Variants in SUCLG2 observed in about 807,000 individuals in gnomAD.
The protein encoded by SUCLG2 is succinate--CoA ligase [GDP-forming] subunit beta, mitochondrial.
SUCLG2 carries 42 observed loss-of-function variants against 47.9 expected under a neutral mutation model. That is an observed-to-expected ratio of 0.88 (90% confidence interval 0.69 to 1.14). SUCLG2 has a LOEUF of 1.14. SUCLG2 is among the 50% of genes most tolerant of loss of function. SUCLG2 has a pLI of 0.00. For synonymous variants in SUCLG2, 195 were observed against 197.3 expected, an observed-to-expected ratio of 0.99 and a Z score of 0.10; for missense variants, 571 against 525.9, an observed-to-expected ratio of 1.09 and a Z score of -0.84.
chr3:67,401,805 G>C (rs1428573906), intron 9 of SUCLG2, among the ~76,000 whole-genome samples: 2 of 152,138 alleles, frequency 1.3e-5, no homozygotes, highest in Non-Finnish European at 2.9e-5. Context: ...TATATGTGCT[G>C]CATAGAATCC....
At chr3:67,649,181 A>C (rs1701243105) in intron 1 of SUCLG2, among the ~76,000 whole-genome samples, 1 of 152,198 alleles carries the variant, frequency 6.6e-6, no homozygotes, top group African/African-American at 2.4e-5. Context: ...TTCTGCAGAC[A>C]CAGGGTAAGT....
At chr3:67,644,630 T>A (rs1701160638) in intron 1 of SUCLG2, among the ~76,000 whole-genome samples, 1 of 151,862 alleles carries the variant, frequency 6.6e-6, no homozygotes, top group Non-Finnish European at 1.5e-5. Flanking sequence ...ATGATAAAAA[T>A]GGCAAAAATG....
intron 9 of SUCLG2, among the ~76,000 whole-genome samples, chr3:67,404,952 C>G (rs933799635): frequency 2.0e-5 from 3 of 150,874 alleles, no homozygotes; most frequent in Non-Finnish European, 2.9e-5. Context: ...CTTCCCCCAG[C>G]CCCCTGGCAA....
intron 9 of SUCLG2, among the ~76,000 whole-genome samples, chr3:67,485,328 T>C (rs1242071024): frequency 1.3e-5 from 2 of 152,224 alleles, no homozygotes; most frequent in African/African-American, 4.8e-5. Context: ...AGCTTTTCTT[T>C]TTCTTTCCTA....
At chr3:67,440,698 G>GA (rs1703739262) in intron 9 of SUCLG2, among the ~76,000 whole-genome samples, 1 of 152,222 alleles carries the variant, frequency 6.6e-6, no homozygotes, top group East Asian at 1.9e-4. Flanking sequence ...ATGCCATTCA[G>GA]AATGGCGATC....
chr3:67,453,503 C>T (rs1410901177), intron 9 of SUCLG2, among the ~76,000 whole-genome samples: 1 of 152,170 alleles, frequency 6.6e-6, no homozygotes, highest in Non-Finnish European at 1.5e-5. Flanking sequence ...AGAGCCCACC[C>T]TCATGAGCTA....
intron 1 of SUCLG2, among the ~76,000 whole-genome samples, chr3:67,645,719 T>G (rs1191080470): frequency 6.6e-6 from 1 of 151,722 alleles, no homozygotes; most frequent in Non-Finnish European, 1.5e-5. Flanking sequence ...AATTCATAAC[T>G]CTCCACTTTC....
chr3:67,621,279 T>C (rs7643466), intron 1 of SUCLG2, among the ~76,000 whole-genome samples: 56,621 of 151,718 alleles, frequency 0.37, 10,762 homozygotes, highest in Non-Finnish European at 0.41. Context: ...TGGATAAAGT[T>C]TGGTGATGAG....
intron 2 of SUCLG2, among the ~76,000 whole-genome samples, chr3:67,567,803 CTTCT>C (rs1436950622): frequency 6.6e-6 from 1 of 152,160 alleles, no homozygotes; most frequent in Non-Finnish European, 1.5e-5. Flanking sequence ...CATAAACTGT[CTTCT>C]TTATTTATAT....
chr3:67,461,690 T>C (rs4423787), intron 9 of SUCLG2, among the ~76,000 whole-genome samples: 119,062 of 151,838 alleles, frequency 0.78, 47,048 homozygotes, highest in East Asian at 0.86. Flanking sequence ...GACCTCTTCC[T>C]GCCAGATGCT....
At chr3:67,595,857 G>C (rs1026823185) in intron 2 of SUCLG2, among the ~76,000 whole-genome samples, 1 of 152,214 alleles carries the variant, frequency 6.6e-6, no homozygotes, top group Admixed American at 6.5e-5. Flanking sequence ...TATTTGATGA[G>C]AGCATAAGTA....
chr3:67,460,345 A>G (rs1472228578), intron 9 of SUCLG2, among the ~76,000 whole-genome samples: 1 of 152,264 alleles, frequency 6.6e-6, no homozygotes, highest in African/African-American at 2.4e-5. Context: ...TAATGATAGC[A>G]GAAATTAACA....
chr3:67,528,571 T>C (rs1706315736), intron 3 of SUCLG2, among the ~76,000 whole-genome samples: 2 of 151,686 alleles, frequency 1.3e-5, no homozygotes, highest in Admixed American at 6.6e-5. Flanking sequence ...TATTGAACAA[T>C]GAGAGGGAAA....
chr3:67,516,774 C>T (rs1388414605), intron 6 of SUCLG2, among the ~76,000 whole-genome samples: 1 of 152,116 alleles, frequency 6.6e-6, no homozygotes, highest in African/African-American at 2.4e-5. Context: ...TACAGATGTC[C>T]AAAGTGATAT....
chr3:67,371,441 C>G (rs1029710563), downstream of SUCLG2, among the ~76,000 whole-genome samples: 3 of 152,190 alleles, frequency 2.0e-5, no homozygotes, highest in Admixed American at 2.0e-4. Flanking sequence ...GCCTTTATCT[C>G]TTCTGCCCCT....
At chr3:67,586,718 T>C (rs1231524684) in intron 2 of SUCLG2, among the ~76,000 whole-genome samples, 1 of 152,208 alleles carries the variant, frequency 6.6e-6, no homozygotes, top group African/African-American at 2.4e-5. Flanking sequence ...CACAGTATGG[T>C]GGTTAGGAAC....
intron 6 of SUCLG2, among the ~76,000 whole-genome samples, chr3:67,515,416 T>C (rs1705918258): frequency 6.6e-6 from 1 of 152,210 alleles, no homozygotes; most frequent in African/African-American, 2.4e-5. Context: ...AAAGAGACTT[T>C]GGTTGGGAAC....
chr3:67,592,076 G>A (rs1708179084), intron 2 of SUCLG2, among the ~76,000 whole-genome samples: 2 of 152,164 alleles, frequency 1.3e-5, no homozygotes, highest in Non-Finnish European at 2.9e-5. Flanking sequence ...TCTGATTCAA[G>A]AAATATGATT....
chr3:67,520,348 A>T (rs1559556116), intron 5 of SUCLG2, 134 bp downstream of exon 5: 1 of 1,291,638 alleles, frequency 7.7e-7, no homozygotes, highest in East Asian at 2.3e-5. Flanking sequence ...CAGAAAGAAA[A>T]AGGGCTCAGC....
Sources: gnomAD v4.1 joint callset for allele counts (sites outside exome capture counted in the v4.1 genomes callset) on GRCh38, gnomAD v4.1.1 for gene constraint, MANE v1.5 for transcripts, NCBI Gene and HGNC (gene_info 2026-07-23, HGNC 2026-07-21) for gene names.